Variants in ZMYND8 observed in about 807,000 individuals in gnomAD.
ZMYND8 encodes MYND-type zinc finger-containing chromatin reader ZMYND8.
ZMYND8 carries 37 observed loss-of-function variants against 140.8 expected under a neutral mutation model. That is an observed-to-expected ratio of 0.26 (90% CI 0.20 to 0.35). ZMYND8 has a LOEUF of 0.35. Among genes scored for constraint, ZMYND8 ranks in the 10% least tolerant of loss-of-function variants. The probability of loss-of-function intolerance (pLI) is 1.00; values close to 1 mark genes in which losing one functional copy is unlikely to be tolerated. For missense variants in ZMYND8, 1,068 were observed against 1,570.0 expected (o/e 0.68, Z 5.40); for synonymous variants, 592 against 597.1 (o/e 0.99, Z 0.12).
rs575303912 is a variant in ZMYND8, at chr20:47,327,187, T to C, written c.86-16983A>G. Among the ~76,000 whole-genome samples, 11 of 152,108 alleles carry C rather than the reference T, an allele frequency of 7.2e-5. No individual in the cohort carries two copies. The East Asian group carries it at 2.0e-3, about 27-fold the overall frequency. ...ATGCACCACCACGCCTGGCTAATTT[T>C]GTATTTTTAGTAGAGATGGGGTTTC... is the stretch of plus-strand genomic sequence containing the variant. On this transcript the variant is annotated intron_variant, in intron 2 of 22. Coordinates refer to ENST00000471951, the MANE Select transcript of ZMYND8 (RefSeq NM_001281775.3).
intron 11 of ZMYND8, among the ~76,000 whole-genome samples, chr20:47,272,366 C>T (rs1266532531): frequency 2.0e-5 from 3 of 152,146 alleles, no homozygotes; most frequent in African/African-American, 2.4e-5. Flanking sequence ...CGTGAACCAC[C>T]GCACCCGGAC....
At chr20:47,262,059 G>A (rs1367387297) in intron 12 of ZMYND8, among the ~76,000 whole-genome samples, 4 of 151,104 alleles carry the variant, frequency 2.6e-5, no homozygotes, top group African/African-American at 7.3e-5. Flanking sequence ...CAACAAGAGC[G>A]AAACTCCATC....
At chr20:47,334,607 T>TAC (rs1360451000) in intron 2 of ZMYND8, among the ~76,000 whole-genome samples, 1 of 135,408 alleles carries the variant, frequency 7.4e-6, no homozygotes, top group Non-Finnish European at 1.5e-5. Flanking sequence ...AAAAAAAAAA[T>TAC]ATATATATAT....
chr20:47,284,080 G>A (rs1302955550), intron 8 of ZMYND8, among the ~76,000 whole-genome samples: 1 of 152,052 alleles, frequency 6.6e-6, no homozygotes, highest in African/African-American at 2.4e-5. Context: ...GCATCACCAC[G>A]CCCAGCTAAT....
intron 22 of ZMYND8, among the ~76,000 whole-genome samples, chr20:47,211,861 T>TA (rs148990672): frequency 0.02 from 3,115 of 152,216 alleles, 96 homozygotes; most frequent in African/African-American, 0.07. Flanking sequence ...TACTGCCTGG[T>TA]AAAAAGGCAT....
chr20:47,301,487 G>A (rs1415325582), intron 3 of ZMYND8, among the ~76,000 whole-genome samples: 10 of 151,930 alleles, frequency 6.6e-5, no homozygotes, highest in Non-Finnish European at 1.5e-4. Context: ...ATTTCCCTGT[G>A]TCAGACCAAC....
intron 18 of ZMYND8, among the ~76,000 whole-genome samples, chr20:47,225,035 T>C (rs1404510378): frequency 6.6e-6 from 1 of 152,180 alleles, no homozygotes; most frequent in Non-Finnish European, 1.5e-5. Context: ...GTACTACTAT[T>C]CTACCCCTTT....
chr20:47,314,236 C>A (rs1569176509), intron 2 of ZMYND8, among the ~76,000 whole-genome samples: 1 of 151,834 alleles, frequency 6.6e-6, no homozygotes, highest in South Asian at 2.1e-4. Context: ...CGGTGGCTCA[C>A]GCCTGTAATC....
At chr20:47,319,151 C>T (rs752527425) in intron 2 of ZMYND8, 4 of 760,234 alleles carry the variant, frequency 5.3e-6, no homozygotes, top group Non-Finnish European at 7.8e-6. Flanking sequence ...GGTCGCCCGG[C>T]GGGGCAAGGA....
chr20:47,289,717 C>G (rs866621657), intron 7 of ZMYND8, among the ~76,000 whole-genome samples: 1 of 152,102 alleles, frequency 6.6e-6, no homozygotes, highest in Non-Finnish European at 1.5e-5. Context: ...CACACAAGAG[C>G]ACTAACTCTG....
intron 11 of ZMYND8, among the ~76,000 whole-genome samples, chr20:47,274,847 T>C (rs1016467343): frequency 1.3e-5 from 2 of 151,972 alleles, no homozygotes; most frequent in African/African-American, 4.8e-5. Flanking sequence ...AGAAAAAAAA[T>C]TTCCCAAGAA....
At chr20:47,270,950 A>C (rs2075901090) in intron 11 of ZMYND8, among the ~76,000 whole-genome samples, 2 of 151,908 alleles carry the variant, frequency 1.3e-5, no homozygotes, top group East Asian at 3.9e-4. Context: ...GGCGGCAGGC[A>C]CCTGTAGTCC....
chr20:47,297,982 G>T (rs894277147), intron 4 of ZMYND8, among the ~76,000 whole-genome samples: 2 of 152,086 alleles, frequency 1.3e-5, no homozygotes, highest in African/African-American at 4.8e-5. Context: ...CCCCCAAATG[G>T]CTGCATGGCT....
intron 6 of ZMYND8, among the ~76,000 whole-genome samples, chr20:47,290,834 G>GC (rs1343441032): frequency 6.6e-6 from 1 of 151,676 alleles, no homozygotes; most frequent in Non-Finnish European, 1.5e-5. Flanking sequence ...CAGATGATCC[G>GC]CCCGCCTCAG....
chr20:47,312,789 C>CA (rs1210409565), intron 2 of ZMYND8, among the ~76,000 whole-genome samples: 1,346 of 68,520 alleles, frequency 0.02, 16 homozygotes, highest in African/African-American at 0.037. Context: ...GACTCCGTCT[C>CA]AAAAAAAAAA....
chr20:47,341,871 C>T (rs1474086054), intron 2 of ZMYND8, among the ~76,000 whole-genome samples: 2 of 151,748 alleles, frequency 1.3e-5, no homozygotes, highest in Admixed American at 6.6e-5. Context: ...GGCGTGGTGG[C>T]GGGCGCCTGT....
intron 14 of ZMYND8, 138 bp downstream of exon 14, chr20:47,245,870 T>G (rs2040506255): frequency 2.3e-6 from 3 of 1,292,410 alleles, no homozygotes; most frequent in African/African-American, 1.5e-5. Flanking sequence ...AGCTTCACTG[T>G]GCCTCTCTCT....
chr20:47,294,110 G>A (rs2148009918), intron 5 of ZMYND8, among the ~76,000 whole-genome samples: 2 of 152,220 alleles, frequency 1.3e-5, no homozygotes, highest in Middle Eastern at 3.4e-3. Context: ...CATATTGGGA[G>A]GCCGAGGCTG....
chr20:47,265,068 A>ATATATATATATATATG lies in ZMYND8; in HGVS notation c.1481-2641_1481-2640insCATATATATATATATA, dbSNP rs1555948705. 1.1e-3 allele frequency among the ~76,000 whole-genome samples: 163 copies of ATATATATATATATATG among 144,578 alleles called. 2 individuals carry two copies. The highest frequency in any genetic ancestry group is 3.2e-3 in the East Asian group (16 of 4,976). The allele number at this position is 144,578 out of a possible 152,430, so 94.8% of individuals were successfully genotyped here. A position where few individuals can be genotyped will look rare whatever the true frequency, so the allele number is the denominator to read the frequency against. On this transcript the variant is annotated intron_variant, in intron 11 of 22. Transcript: ENST00000471951. ...AATATATATACATATATATATATAT[A>ATATATATATATATATG]GGCATTTTAACGGAAGTATTACCAA...
Sources: allele counts gnomAD v4.1 joint callset (sites outside exome capture counted in the v4.1 genomes callset), GRCh38; gene constraint gnomAD v4.1.1; transcripts MANE v1.5; gene names NCBI Gene and HGNC (gene_info 2026-07-23, HGNC 2026-07-21).